NKAIN2: variants seen among roughly 807,000 people sequenced by gnomAD.
NKAIN2 encodes the protein sodium/potassium-transporting ATPase subunit beta-1-interacting protein 2.
NKAIN2 carries 14 observed loss-of-function variants against 32.6 expected under a neutral mutation model. The ratio of observed to expected loss-of-function variants is 0.43; its 90% confidence interval spans 0.28 to 0.67. NKAIN2 has a LOEUF of 0.67. Among genes scored for constraint, NKAIN2 ranks in the 30% least tolerant of loss-of-function variants. NKAIN2 has a pLI of 0.17. For synonymous variants in NKAIN2, 80 were observed against 87.2 expected (o/e 0.92, Z 0.46); for missense variants, 198 against 258.3 (o/e 0.77, Z 1.60).
intron 3 of NKAIN2, among the ~76,000 whole-genome samples, chr6:124,657,478 C>G (rs1160550478): frequency 6.6e-6 from 1 of 152,136 alleles, no homozygotes; most frequent in Non-Finnish European, 1.5e-5. Flanking sequence ...AGCTGGGTAT[C>G]ACCTAACATG....
intron 3 of NKAIN2, among the ~76,000 whole-genome samples, chr6:124,538,858 T>C (rs1454210993): frequency 1.3e-5 from 2 of 152,174 alleles, no homozygotes; most frequent in African/African-American, 4.8e-5. Flanking sequence ...AATGATTGTA[T>C]TTTTCGTTTT....
chr6:123,857,429 A>G (rs1461278094), intron 1 of NKAIN2, among the ~76,000 whole-genome samples: 2 of 152,242 alleles, frequency 1.3e-5, no homozygotes, highest in Non-Finnish European at 2.9e-5. Flanking sequence ...CAGATGGTTC[A>G]TAATAGCACC....
chr6:124,427,758 C>T (rs192897791), intron 3 of NKAIN2, among the ~76,000 whole-genome samples: 14 of 152,180 alleles, frequency 9.2e-5, no homozygotes, highest in African/African-American at 3.1e-4. Context: ...GCAGCAGGTT[C>T]CTCACTGGTC....
chr6:123,959,400 C>T (rs1031354878), intron 1 of NKAIN2, among the ~76,000 whole-genome samples: 1 of 152,124 alleles, frequency 6.6e-6, no homozygotes, highest in African/African-American at 2.4e-5. Context: ...GTCCTTCAGG[C>T]AACTAGGCAA....
At chr6:124,292,381 T>C (rs985171370) in intron 2 of NKAIN2, among the ~76,000 whole-genome samples, 24 of 152,298 alleles carry the variant, frequency 1.6e-4, no homozygotes, top group South Asian at 4.1e-4. Flanking sequence ...GAAATCTCTT[T>C]GTTGCTAATG....
chr6:124,333,436 G>GA (rs1287687733), intron 2 of NKAIN2, among the ~76,000 whole-genome samples: 1 of 151,478 alleles, frequency 6.6e-6, no homozygotes, highest in Non-Finnish European at 1.5e-5. Context: ...AAAGCGGGGG[G>GA]ATCACCTGAG....
chr6:124,139,488 A>G (rs1787030977), intron 1 of NKAIN2, among the ~76,000 whole-genome samples: 1 of 152,242 alleles, frequency 6.6e-6, no homozygotes, highest in Admixed American at 6.5e-5. Flanking sequence ...ACATCTTTCT[A>G]AAAGCTAGTT....
At chr6:124,457,978 T>C (rs764186444) in intron 3 of NKAIN2, among the ~76,000 whole-genome samples, 1 of 151,998 alleles carries the variant, frequency 6.6e-6, no homozygotes, top group Non-Finnish European at 1.5e-5. Flanking sequence ...GATTGCTTTG[T>C]TATTTTTTAG....
intron 4 of NKAIN2, among the ~76,000 whole-genome samples, chr6:124,779,379 G>GTAA (rs1779156859): frequency 6.8e-6 from 1 of 147,812 alleles, no homozygotes; most frequent in African/African-American, 2.5e-5. Context: ...AAGGAAGGAA[G>GTAA]GAAGTCCTCC....
intron 3 of NKAIN2, among the ~76,000 whole-genome samples, chr6:124,516,075 G>A (rs775344617): frequency 3.3e-5 from 5 of 152,018 alleles, no homozygotes; most frequent in Admixed American, 6.6e-5. Context: ...GGTACATCAC[G>A]GAGCAAAACA....
intron 3 of NKAIN2, among the ~76,000 whole-genome samples, chr6:124,627,692 G>C (rs755097491): frequency 6.6e-6 from 1 of 152,082 alleles, no homozygotes; most frequent in Non-Finnish European, 1.5e-5. Flanking sequence ...CTGAGTTCTT[G>C]TGGGTATCAT....
At chr6:124,221,146 G>A (rs1791792974) in intron 1 of NKAIN2, among the ~76,000 whole-genome samples, 1 of 151,430 alleles carries the variant, frequency 6.6e-6, no homozygotes, top group African/African-American at 2.4e-5. Flanking sequence ...GCAAAGACTT[G>A]GAACCAACCC....
At chr6:124,325,665 T>G (rs1052129858) in intron 2 of NKAIN2, among the ~76,000 whole-genome samples, 1 of 152,126 alleles carries the variant, frequency 6.6e-6, no homozygotes. Flanking sequence ...GTTCCATCTA[T>G]ATGAAGTTCT....
chr6:123,944,607 A>G (rs1340637390), intron 1 of NKAIN2, among the ~76,000 whole-genome samples: 5 of 152,126 alleles, frequency 3.3e-5, no homozygotes, highest in Non-Finnish European at 7.4e-5. Flanking sequence ...TGCCTAAAAA[A>G]AGAAACATAA....
intron 1 of NKAIN2, among the ~76,000 whole-genome samples, chr6:124,232,926 G>A (rs1447703062): frequency 6.6e-6 from 1 of 152,076 alleles, no homozygotes; most frequent in East Asian, 1.9e-4. Flanking sequence ...ATGTTATTCG[G>A]TAAAAACAAG....
At chr6:124,220,559 T>C (rs1791762534) in intron 1 of NKAIN2, among the ~76,000 whole-genome samples, 1 of 146,600 alleles carries the variant, frequency 6.8e-6, no homozygotes, top group Non-Finnish European at 1.5e-5. Flanking sequence ...ATATTGCATA[T>C]CTTTGTGTAC....
At chr6:124,654,670 G>A (rs1784476496) in intron 3 of NKAIN2, among the ~76,000 whole-genome samples, 1 of 152,126 alleles carries the variant, frequency 6.6e-6, no homozygotes, top group African/African-American at 2.4e-5. Context: ...TCATTAGAGT[G>A]GGCTCTAGGC....
intron 3 of NKAIN2, among the ~76,000 whole-genome samples, chr6:124,482,006 G>C (rs1777472139): frequency 6.6e-6 from 1 of 152,138 alleles, no homozygotes; most frequent in Non-Finnish European, 1.5e-5. Flanking sequence ...TTCTTAGAAA[G>C]ATGATAATAA....
chr6:124,076,203 G>C (rs1191326503), intron 1 of NKAIN2, among the ~76,000 whole-genome samples: 1 of 152,178 alleles, frequency 6.6e-6, no homozygotes. Context: ...TACAACTGAG[G>C]AGATGAGAAG....
Sources: allele counts gnomAD v4.1 joint callset (sites outside exome capture counted in the v4.1 genomes callset), GRCh38; gene constraint gnomAD v4.1.1; transcripts MANE v1.5; gene names NCBI Gene and HGNC (gene_info 2026-07-23, HGNC 2026-07-21).